Variants in GSE1 observed in about 807,000 individuals in gnomAD.
GSE1 encodes the protein genetic suppressor element 1.
A neutral mutation model predicts 112.6 loss-of-function variants in GSE1; 32 were observed. The observed-to-expected ratio is 0.28, with a 90% CI of 0.21 to 0.38. GSE1 has a LOEUF of 0.38. Ranked by LOEUF, GSE1 falls within the 10% of genes least tolerant of loss-of-function variation. The pLI is 1.00. For missense variants in GSE1, 2,348 were observed against 1,699.2 expected, an observed-to-expected ratio of 1.38 and a Z score of -6.71; for synonymous variants, 1,115 against 735.6, an observed-to-expected ratio of 1.52 and a Z score of -8.35.
chr16:85,278,135 T>C (rs1476646902), intron 1 of GSE1, among the ~76,000 whole-genome samples: 4 of 152,252 alleles, frequency 2.6e-5, no homozygotes, highest in African/African-American at 9.6e-5. Context: ...GAGGGGTCCA[T>C]GTCCCTGGCT....
At chr16:85,456,579 CGT>C (rs35279881) in intron 2 of GSE1, among the ~76,000 whole-genome samples, 7,259 of 91,276 alleles carry the variant, frequency 0.08, 297 homozygotes, top group Admixed American at 0.093. Flanking sequence ...ATTTTCCTGC[CGT>C]GTGTGTGTGT....
chr16:85,514,417 G>A (rs1174979332), intron 2 of GSE1, among the ~76,000 whole-genome samples: 6 of 119,992 alleles, frequency 5.0e-5, no homozygotes, highest in Admixed American at 9.1e-5. Flanking sequence ...ATGCCCGCAT[G>A]CTCTCGAGTC....
In GSE1 at chr16:85,657,602, C is replaced by G. The variant is rs1274410801; in HGVS notation, c.1638C>G (p.Thr546=). 2 of 1,513,084 alleles carry G rather than the reference C, an allele frequency of 1.3e-6. No individual in the cohort carries two copies. Among genetic ancestry groups the G allele is most frequent in the Non-Finnish European group, 1.8e-6 (2 of 1,131,512 alleles). The allele number at this position is 1,513,084 out of a possible 1,614,324, so 93.7% of individuals were successfully genotyped here. A position where few individuals can be genotyped will look rare whatever the true frequency, so the allele number is the denominator to read the frequency against. Residue 546 remains threonine, a splice_region_variant and synonymous_variant, in exon 8 of 16, where the codon ACC becomes ACG. Coordinates refer to ENST00000253458, the MANE Select transcript of GSE1 (RefSeq NM_014615.5). ...AEAEHRPEST[T]RPGPNRHEPG... The stretch of plus-strand genomic sequence containing the variant: ...CAGAGCACAGGCCGGAGAGCACCAC[C>G]AGGTGAGTGAGCCCCAGGAAGGAAG...
intron 1 of GSE1, among the ~76,000 whole-genome samples, chr16:85,320,641 C>A (rs1343376863): frequency 1.3e-5 from 2 of 152,090 alleles, no homozygotes; most frequent in Non-Finnish European, 2.9e-5. Context: ...GTGACCTCAT[C>A]TTAACTAGTA....
chr16:85,649,808 A>G (rs1431805759), intron 3 of GSE1, among the ~76,000 whole-genome samples: 1 of 152,144 alleles, frequency 6.6e-6, no homozygotes, highest in East Asian at 1.9e-4. Context: ...TCTTGCCTGA[A>G]GCTCCCTCTC....
intron 1 of GSE1, among the ~76,000 whole-genome samples, chr16:85,572,021 C>G (rs1464447353): frequency 6.6e-6 from 1 of 151,834 alleles, no homozygotes; most frequent in Non-Finnish European, 1.5e-5. Flanking sequence ...ATACGTAGAA[C>G]ACATAGCACA....
chr16:85,202,068 C>T (rs1384302144), intron 1 of GSE1, among the ~76,000 whole-genome samples: 1 of 152,136 alleles, frequency 6.6e-6, no homozygotes, highest in Non-Finnish European at 1.5e-5. Context: ...GGTGGCGGGC[C>T]TTAGCTGAGC....
At chr16:85,580,700 G>A (rs1435819816) in intron 1 of GSE1, among the ~76,000 whole-genome samples, 1 of 152,226 alleles carries the variant, frequency 6.6e-6, no homozygotes, top group East Asian at 1.9e-4. Flanking sequence ...TGGAAATGGA[G>A]CCTCTAAGGA....
chr16:85,671,228 C>T, intron 15 of GSE1, 130 bp downstream of exon 15: 2 of 542,622 alleles, frequency 3.7e-6, no homozygotes, highest in South Asian at 2.2e-5. Flanking sequence ...ATCACGAGGT[C>T]AGGAGATCGA....
chr16:85,202,803 C>G (rs575612125), intron 1 of GSE1, among the ~76,000 whole-genome samples: 14 of 152,334 alleles, frequency 9.2e-5, no homozygotes, highest in Non-Finnish European at 1.9e-4. Flanking sequence ...CCAGGCCCAG[C>G]GTGGAGCCAG....
At chr16:85,657,255 T>C (rs371588695) in intron 7 of GSE1, 22 bp from the exon 8 acceptor site, 107 of 1,504,004 alleles carry the variant, frequency 7.1e-5, no homozygotes, top group Non-Finnish European at 6.7e-5. Context: ...GAGATCCTGC[T>C]TGACCGTGTT....
intron 1 of GSE1, among the ~76,000 whole-genome samples, chr16:85,211,468 C>T (rs1444461612): frequency 6.6e-6 from 1 of 152,250 alleles, no homozygotes; most frequent in Non-Finnish European, 1.5e-5. Flanking sequence ...CACTCTGCCA[C>T]TGCCGCGCTG....
intron 13 of GSE1, 63 bp from the exon 14 acceptor site, chr16:85,668,077 T>G: frequency 7.7e-7 from 1 of 1,295,200 alleles, no homozygotes; most frequent in Non-Finnish European, 1.1e-6. Flanking sequence ...AGAGCTCCCT[T>G]CTGAGACAGC....
intron 2 of GSE1, among the ~76,000 whole-genome samples, chr16:85,644,018 G>T (rs1171928414): frequency 6.6e-6 from 1 of 152,104 alleles, no homozygotes; most frequent in Non-Finnish European, 1.5e-5. Context: ...CGGGTGCACA[G>T]GAGGGCTTTC....
chr16:85,642,699 C>A (rs1027413147), intron 2 of GSE1, among the ~76,000 whole-genome samples: 28 of 152,242 alleles, frequency 1.8e-4, no homozygotes, highest in African/African-American at 2.4e-5. Flanking sequence ...CCGGTAGTTA[C>A]CGTTCTGTTC....
At chr16:85,392,765 C>T (rs752572632) in intron 2 of GSE1, among the ~76,000 whole-genome samples, 12 of 152,184 alleles carry the variant, frequency 7.9e-5, no homozygotes, top group Non-Finnish European at 1.3e-4. Flanking sequence ...GGACTGGAAC[C>T]CAGAAGTCCA....
intron 1 of GSE1, among the ~76,000 whole-genome samples, chr16:85,234,133 C>T (rs1178562130): frequency 6.6e-6 from 1 of 152,174 alleles, no homozygotes; most frequent in South Asian, 2.1e-4. Context: ...AAGAACCCAC[C>T]TAGTGCTGCA....
intron 1 of GSE1, among the ~76,000 whole-genome samples, chr16:85,572,288 CCA>C (rs2046026076): frequency 6.8e-6 from 1 of 147,612 alleles, no homozygotes; most frequent in African/African-American, 2.5e-5. Context: ...CCACATACCC[CCA>C]CACACAACAC....
upstream of GSE1, chr16:85,555,309 GC>G (rs1269405464): frequency 1.0e-6 from 1 of 984,644 alleles, no homozygotes; most frequent in Non-Finnish European, 1.2e-6. Context: ...AGGCGCCAGA[GC>G]CCCCGCGAGT....
Sources: allele counts gnomAD v4.1 joint callset (sites outside exome capture counted in the v4.1 genomes callset), GRCh38; gene constraint gnomAD v4.1.1; transcripts MANE v1.5; gene names NCBI Gene and HGNC (gene_info 2026-07-23, HGNC 2026-07-21).